The following TULP4 variants were observed in gnomAD, a reference collection of about 807,000 sequenced individuals.
TULP4 encodes TUB like protein 4.
A neutral mutation model predicts 129.0 loss-of-function variants in TULP4; 16 were observed. The ratio of observed to expected loss-of-function variants is 0.12; its 90% CI spans 0.08 to 0.19. The LOEUF is 0.19. TULP4 is among the 10% of genes least tolerant of loss of function. The pLI is 1.00. For synonymous variants in TULP4, 998 were observed against 854.0 expected (o/e 1.17, Z -2.94); for missense variants, 1,842 against 2,059.1 (o/e 0.89, Z 2.04).
chr6:158,382,083 G>T (rs1777341544), intron 1 of TULP4, among the ~76,000 whole-genome samples: 1 of 152,146 alleles, frequency 6.6e-6, no homozygotes, highest in Admixed American at 6.5e-5. Context: ...GAGGAGGTAG[G>T]TGCATTGCTT....
At chr6:158,278,433 A>G (rs1419057597), upstream of TULP4, among the ~76,000 whole-genome samples, 2 of 151,590 alleles carry the variant, frequency 1.3e-5, no homozygotes, top group African/African-American at 4.9e-5. Context: ...ATGATCCAGC[A>G]CTTTCCAAAA....
chr6:158,337,300 T>G (rs1426498146), intron 1 of TULP4, among the ~76,000 whole-genome samples: 1 of 151,920 alleles, frequency 6.6e-6, no homozygotes, highest in Non-Finnish European at 1.5e-5. Flanking sequence ...CAGCTATTTT[T>G]TTGTATTTTT....
chr6:158,498,879 A>C (rs1475873691), intron 12 of TULP4, 67 bp downstream of exon 12: 1 of 1,578,852 alleles, frequency 6.3e-7, no homozygotes, highest in East Asian at 2.3e-5. Context: ...AGGGGGACAG[A>C]GCGGCAAGTT....
chr6:158,272,677 C>T (rs1186584815), intron 1 of TULP4, among the ~76,000 whole-genome samples: 1 of 152,188 alleles, frequency 6.6e-6, no homozygotes, highest in African/African-American at 2.4e-5. Flanking sequence ...AGCTCTAATG[C>T]AGGAAGTAGT....
chr6:158,349,881 A>G (rs202003510), intron 1 of TULP4, among the ~76,000 whole-genome samples: 949 of 39,132 alleles, frequency 0.024, no homozygotes, highest in Non-Finnish European at 0.026. Flanking sequence ...CCGGGCAGAG[A>G]CGCTCCTCAC....
At chr6:158,317,305 A>G (rs1779513453) in intron 1 of TULP4, among the ~76,000 whole-genome samples, 1 of 151,524 alleles carries the variant, frequency 6.6e-6, no homozygotes, top group Non-Finnish European at 1.5e-5. Context: ...TTCTAATGCT[A>G]TTCCTCCCCC....
intron 1 of TULP4, among the ~76,000 whole-genome samples, chr6:158,254,801 G>A (rs1357298369): frequency 5.9e-5 from 9 of 152,216 alleles, no homozygotes; most frequent in East Asian, 1.9e-4. Context: ...GCCAGGTGCC[G>A]TGGCTCACGC....
At position 158,508,124 on chromosome 6, in the gene TULP4, G is replaced by A. The variant is rs1780645698; in HGVS notation, c.*1430G>A. On this transcript the variant is annotated 3_prime_UTR_variant, in exon 14 of 14. Transcript: ENST00000367097. ...CTGTGGGCAGTATTCAAGCCCTGAT[G>A]ACAAAACCCAGTGTTTTTTGTTGTT... The A allele has an allele frequency of 6.6e-6, 1 of 152,158 alleles. No homozygotes were observed. The highest frequency in any genetic ancestry group is 1.5e-5 in the Non-Finnish European group (1 of 68,036). The allele number at this position is 152,158 out of a possible 1,614,324, so 9.4% of individuals were successfully genotyped here.
chr6:158,506,494 G>A, intron 13 of TULP4, 84 bp from the exon 14 acceptor site: 1 of 897,462 alleles, frequency 1.1e-6, no homozygotes, highest in South Asian at 1.3e-5. Flanking sequence ...GCCTCCCAAA[G>A]TGCTGGGACT....
chr6:158,333,890 TACAG>T (rs748458658), intron 1 of TULP4, among the ~76,000 whole-genome samples: 19 of 152,154 alleles, frequency 1.2e-4, no homozygotes, highest in Non-Finnish European at 2.6e-4. Context: ...TCAAGGGAAA[TACAG>T]ACAAACATAA....
chr6:158,235,538 A>AGGTCTC, intron 1 of TULP4, among the ~76,000 whole-genome samples: 1 of 152,292 alleles, frequency 6.6e-6, no homozygotes, highest in South Asian at 2.1e-4. Context: ...TCTAGAGACA[A>AGGTCTC]GGTCTCACTA....
intron 6 of TULP4, among the ~76,000 whole-genome samples, chr6:158,476,989 G>A (rs1338415372): frequency 3.3e-5 from 5 of 152,276 alleles, no homozygotes; most frequent in South Asian, 2.1e-4. Flanking sequence ...AACCTCATAT[G>A]TTAGATGAGA....
At chr6:158,270,872 G>A (rs929123326) in intron 1 of TULP4, among the ~76,000 whole-genome samples, 3 of 152,172 alleles carry the variant, frequency 2.0e-5, no homozygotes, top group South Asian at 2.1e-4. Context: ...CTGTAGGGCC[G>A]GGCACAGTGG....
At chr6:158,485,140 G>A (rs959241503) in intron 8 of TULP4, among the ~76,000 whole-genome samples, 1 of 152,236 alleles carries the variant, frequency 6.6e-6, no homozygotes, top group Non-Finnish European at 1.5e-5. Flanking sequence ...TGTGTTTACT[G>A]TTTCATGGAA....
intron 6 of TULP4, among the ~76,000 whole-genome samples, chr6:158,464,659 A>G (rs948968161): frequency 5.9e-5 from 9 of 152,116 alleles, no homozygotes; most frequent in Non-Finnish European, 1.0e-4. Context: ...TCGGCCTCCT[A>G]TAGTGCTAGA....
intron 1 of TULP4, among the ~76,000 whole-genome samples, chr6:158,267,274 T>C (rs1192893624): frequency 6.6e-6 from 1 of 152,146 alleles, no homozygotes; most frequent in East Asian, 1.9e-4. Flanking sequence ...GGACACCGGG[T>C]AATTAAACTT....
chr6:158,431,714 G>T (rs1008941182), intron 3 of TULP4, among the ~76,000 whole-genome samples: 4 of 152,078 alleles, frequency 2.6e-5, no homozygotes, highest in African/African-American at 7.2e-5. Flanking sequence ...TGACACCATG[G>T]TGTGCACGTA....
intron 1 of TULP4, among the ~76,000 whole-genome samples, chr6:158,378,453 G>A (rs1777241047): frequency 7.2e-6 from 1 of 139,808 alleles, no homozygotes; most frequent in Non-Finnish European, 1.5e-5. Context: ...CAGTTAGGAT[G>A]GGGGAGCCAG....
intron 2 of TULP4, among the ~76,000 whole-genome samples, chr6:158,423,120 A>AAG (rs1778388942): frequency 3.4e-5 from 2 of 59,164 alleles, no homozygotes; most frequent in Non-Finnish European, 7.2e-5. Context: ...TCCACAAAAA[A>AAG]GAGGGGGGGG....
Sources: gnomAD v4.1 joint callset for allele counts (sites outside exome capture counted in the v4.1 genomes callset) on GRCh38, gnomAD v4.1.1 for gene constraint, MANE v1.5 for transcripts, NCBI Gene and HGNC (gene_info 2026-07-23, HGNC 2026-07-21) for gene names.